The following WNT10A variants were observed in gnomAD, a reference collection of about 807,000 sequenced individuals.
WNT10A encodes the protein Wnt family member 10A.
A neutral mutation model predicts 36.1 loss-of-function variants in WNT10A; 37 were observed. The observed-to-expected ratio is 1.02, with a 90% CI of 0.79 to 1.35. WNT10A has a LOEUF of 1.35. Among genes scored for constraint, WNT10A ranks in the 40% most tolerant of loss-of-function variants. The pLI, the probability that WNT10A is intolerant of heterozygous loss-of-function variation, is 0.00. For synonymous variants in WNT10A, 255 were observed against 254.1 expected, an observed-to-expected ratio of 1.00 and a Z score of -0.03; for missense variants, 613 against 601.4, an observed-to-expected ratio of 1.02 and a Z score of -0.20.
chr2:218,888,415 G>A (rs1046616711), intron 2 of WNT10A, among the ~76,000 whole-genome samples: 3 of 152,246 alleles, frequency 2.0e-5, no homozygotes, highest in African/African-American at 7.2e-5. Context: ...TGGCCAGGCC[G>A]GCCTAGCCGC....
At chr2:218,881,130 C>A in intron 1 of WNT10A, 22 bp downstream of exon 1, 2 of 1,573,304 alleles carry the variant, frequency 1.3e-6, no homozygotes, top group South Asian at 1.2e-5. Context: ...CCTCATGCTC[C>A]GCCCTCCTAG....
chr2:218,882,079 G>T (rs1000438849), intron 1 of WNT10A, 82 bp from the exon 2 acceptor site: 3 of 1,541,272 alleles, frequency 1.9e-6, no homozygotes, highest in Non-Finnish European at 2.6e-6. Context: ...GATTATGGCC[G>T]TTGGGACAGA....
chr2:218,881,041 C>G lies in WNT10A; in HGVS notation c.46C>G (p.Pro16Ala), dbSNP rs1164088225. Reference protein sequence around the residue: ...PRPWLRLRPQPQPRPALWVLL... With the variant: ...PRPWLRLRPQAQPRPALWVLL... ...CCCCTGGCTGCGGCTCCGACCCCAG[C>G]CCCAGCCGCGGCCAGCGCTCTGGGT... is the stretch of plus-strand genomic sequence containing the variant. The change falls in exon 1 of 4, where the codon CCC (proline) becomes GCC (alanine). Residue 16 changes from proline to alanine, a missense_variant. Coordinates refer to ENST00000258411, the MANE Select transcript of WNT10A (RefSeq NM_025216.3). 6.2e-7 allele frequency: 1 copy of G among 1,603,094 alleles called. No homozygotes were observed. Among genetic ancestry groups the G allele is most frequent in the Non-Finnish European group, 8.5e-7 (1 of 1,175,208 alleles).
At chr2:218,881,152 C>CCCGG in intron 1 of WNT10A, 44 bp downstream of exon 1, 1 of 1,557,964 alleles carries the variant, frequency 6.4e-7, no homozygotes, top group Non-Finnish European at 8.7e-7. Flanking sequence ...GAGTTGGGAC[C>CCCGG]CCGGCCTGCA....
chr2:218,889,919 G>A (rs575944541), intron 2 of WNT10A, 65 bp from the exon 3 acceptor site: 2 of 1,608,260 alleles, frequency 1.2e-6, no homozygotes, highest in African/African-American at 2.7e-5. Context: ...GATGAGAAAG[G>A]TGGGCTGGAG....
At chr2:218,888,760 C>T (rs1367415653) in intron 2 of WNT10A, among the ~76,000 whole-genome samples, 1 of 152,220 alleles carries the variant, frequency 6.6e-6, no homozygotes, top group African/African-American at 2.4e-5. Flanking sequence ...GGCACGCACC[C>T]AGCAGGCTAT....
chr2:218,893,404 A>AC lies in WNT10A; in HGVS notation c.*137dup. The AC allele has an allele frequency of 7.8e-7, 1 of 1,287,748 alleles. No homozygotes were observed. The highest frequency in any genetic ancestry group is 1.0e-6 in the Non-Finnish European group (1 of 962,354). The allele number at this position is 1,287,748 out of a possible 1,614,324, so 79.8% of individuals were successfully genotyped here. On this transcript the variant is annotated 3_prime_UTR_variant, in exon 4 of 4. Transcript: ENST00000258411. This position sits in a 1 kb window ranked among gnomAD's most constrained non-coding sequence, Gnocchi z 6.3. Reference sequence around the variant, plus strand: ...GATTGGACCACATGATCTTATAGGAACCCCTCAGCTCTGAGGTCTGTGATC... The same window carrying AC: ...GATTGGACCACATGATCTTATAGGAACCCCCTCAGCTCTGAGGTCTGTGATC...
intron 2 of WNT10A, among the ~76,000 whole-genome samples, chr2:218,886,843 C>A (rs1308161268): frequency 6.6e-6 from 1 of 152,266 alleles, no homozygotes; most frequent in African/African-American, 2.4e-5. Flanking sequence ...GGTGGCCACA[C>A]AGGCCCTGCC....
At position 218,892,818 on chromosome 2, in the gene WNT10A, GT is replaced by G. The variant is rs1944669427; in HGVS notation, c.802del (p.Ser268GlnfsTer12). 1 of 1,596,830 alleles carries G rather than the reference GT, an allele frequency of 6.3e-7. No individual in the cohort carries two copies. Among genetic ancestry groups the G allele is most frequent in the East Asian group, 2.3e-5 (1 of 44,110 alleles). On this transcript the variant is annotated frameshift_variant, in exon 4 of 4. Transcript: ENST00000258411. LOFTEE classifies it high-confidence loss of function. ...GGCGGAAGTGCAAGTGCCACGGCAC[GT>G]CAGGCAGCTGCCAGCTCAAGACGTG... ...MRRKCKCHGT[S>X]GSCQLKTCWQ...
upstream of WNT10A, among the ~76,000 whole-genome samples, chr2:218,877,027 G>A (rs912321683): frequency 6.6e-6 from 1 of 152,190 alleles, no homozygotes; most frequent in Non-Finnish European, 1.5e-5. This position sits in a 1 kb window ranked among gnomAD's most constrained non-coding sequence, Gnocchi z 4.1. Flanking sequence ...CCACTGCTGG[G>A]TCCTGCAGGG....
chr2:218,890,457 CCACATGT>C, intron 3 of WNT10A, 94 bp downstream of exon 3: 1 of 1,549,276 alleles, frequency 6.5e-7, no homozygotes, highest in Non-Finnish European at 8.8e-7. Context: ...CACGTTGCTC[CCACATGT>C]CACACCTTGG....
chr2:218,880,899 G>C lies in WNT10A; in HGVS notation c.-97G>C. 7.1e-7 allele frequency: 1 copy of C among 1,404,678 alleles called. No homozygotes were observed. Among genetic ancestry groups the C allele is most frequent in the Non-Finnish European group, 9.3e-7 (1 of 1,071,030 alleles). The allele number at this position is 1,404,678 out of a possible 1,614,324, so 87.0% of individuals were successfully genotyped here. A position where few individuals can be genotyped will look rare whatever the true frequency, so the allele number is the denominator to read the frequency against. ...CGAGTCGGAGCTGTGTGTCGCAGCC[G>C]CCCCGACCCCCCGCCGATCATGCGC... On this transcript the variant is annotated 5_prime_UTR_variant, in exon 1 of 4. Coordinates refer to ENST00000258411, the MANE Select transcript of WNT10A (RefSeq NM_025216.3). This position sits in a 1 kb window ranked among gnomAD's most constrained non-coding sequence, Gnocchi z 7.7.
chr2:218,878,167 G>T (rs535557007), upstream of WNT10A, among the ~76,000 whole-genome samples: 1 of 152,296 alleles, frequency 6.6e-6, no homozygotes, highest in South Asian at 2.1e-4. The surrounding 1 kb of genome is among the most constrained non-coding windows in gnomAD (Gnocchi z 4.1). Flanking sequence ...GGGACTAGGG[G>T]GTGCTGATAG....
chr2:218,883,323 G>T (rs1944539571), intron 2 of WNT10A, among the ~76,000 whole-genome samples: 1 of 152,184 alleles, frequency 6.6e-6, no homozygotes, highest in Admixed American at 6.5e-5. Context: ...CTTAGGTCTT[G>T]TCCAATTTTC....
rs1273885096 is a variant in WNT10A, at chr2:218,893,220, C to T, written c.1203C>T (p.Phe401=). 6.4e-7 allele frequency: 1 copy of T among 1,570,398 alleles called. No individual in the cohort carries two copies. Among genetic ancestry groups the T allele is most frequent in the Admixed American group, 1.8e-5 (1 of 55,934 alleles). Residue 401 remains phenylalanine (F), a synonymous_variant, in exon 4 of 4, where the codon TTC becomes TTT. Transcript: ENST00000258411. This position sits in a 1 kb window ranked among gnomAD's most constrained non-coding sequence, Gnocchi z 6.3. The stretch of plus-strand genomic sequence containing the variant: ...ACTGCCGCTTCCACTGGTGCTGTTT[C>T]GTGGTCTGCGAAGAGTGCCGCATCA... ...RCHCRFHWCC[F]VVCEECRITE...
chr2:218,879,297 A>G (rs546929508), upstream of WNT10A, among the ~76,000 whole-genome samples: 2 of 152,240 alleles, frequency 1.3e-5, no homozygotes, highest in South Asian at 4.1e-4. Flanking sequence ...TTTGTCTCTG[A>G]GCCCAGAGGC....
At chr2:218,879,394 G>A (rs976887867), upstream of WNT10A, among the ~76,000 whole-genome samples, 1 of 152,258 alleles carries the variant, frequency 6.6e-6, no homozygotes, top group Non-Finnish European at 1.5e-5. Context: ...TTTTACAGAG[G>A]AGGATGCCGA....
chr2:218,886,239 C>G (rs989081664), intron 2 of WNT10A, among the ~76,000 whole-genome samples: 1 of 152,176 alleles, frequency 6.6e-6, no homozygotes, highest in African/African-American at 2.4e-5. Context: ...ACACCAAACA[C>G]CTACTCCTGT....
At chr2:218,889,135 T>C (rs1044403947) in intron 2 of WNT10A, among the ~76,000 whole-genome samples, 8 of 152,226 alleles carry the variant, frequency 5.3e-5, no homozygotes, top group Non-Finnish European at 1.2e-4. Flanking sequence ...CTTTGCATCC[T>C]CATGGCTTAG....
Sources: allele counts gnomAD v4.1 joint callset (sites outside exome capture counted in the v4.1 genomes callset), GRCh38; gene constraint gnomAD v4.1.1; non-coding constraint Gnocchi (gnomAD v3.1); transcripts MANE v1.5; gene names NCBI Gene and HGNC (gene_info 2026-07-23, HGNC 2026-07-21).